Variants in APP observed in about 807,000 individuals in gnomAD.
APP encodes the protein amyloid-beta precursor protein.
A neutral mutation model predicts 101.4 loss-of-function variants in APP; 31 were observed. The ratio of observed to expected loss-of-function variants is 0.31; its 90% CI spans 0.23 to 0.41. The LOEUF is 0.41. APP is among the 10% of genes least tolerant of loss of function. The pLI is 1.00. For synonymous variants in APP, 366 were observed against 364.4 expected (o/e 1.00, Z -0.05); for missense variants, 839 against 1,003.7 (o/e 0.84, Z 2.22).
intron 1 of APP, among the ~76,000 whole-genome samples, chr21:26,130,753 A>G (rs926939458): frequency 1.3e-5 from 2 of 152,188 alleles, no homozygotes; most frequent in Non-Finnish European, 1.5e-5. Context: ...GAGCTTCAAC[A>G]CCCAGAGACT....
intron 8 of APP, among the ~76,000 whole-genome samples, chr21:25,992,693 G>C (rs1341881968): frequency 6.6e-6 from 1 of 152,136 alleles, no homozygotes; most frequent in Non-Finnish European, 1.5e-5. Context: ...AGATACCAAA[G>C]ATTTAGCTTT....
At chr21:26,016,968 G>T (rs1340204538) in intron 6 of APP, among the ~76,000 whole-genome samples, 1 of 145,664 alleles carries the variant, frequency 6.9e-6, no homozygotes, top group Non-Finnish European at 1.5e-5. Flanking sequence ...TGCCGCCAAG[G>T]TGGGCAGATC....
At chr21:25,950,751 T>G (rs1373901350) in intron 13 of APP, among the ~76,000 whole-genome samples, 1 of 152,118 alleles carries the variant, frequency 6.6e-6, no homozygotes, top group East Asian at 1.9e-4. Flanking sequence ...GGTGACTGGC[T>G]GGGAGTCTAA....
intron 2 of APP, among the ~76,000 whole-genome samples, chr21:26,094,185 T>C (rs1405159221): frequency 6.6e-6 from 1 of 151,994 alleles, no homozygotes; most frequent in African/African-American, 2.4e-5. Context: ...CCTATTAAAA[T>C]GGAAGCAGTA....
At position 26,143,207 on chromosome 21, in the gene APP, C is replaced by T. The variant is rs114612101; in HGVS notation, c.57+27357G>A. Among the ~76,000 whole-genome samples, 1,506 of 152,306 alleles carry T rather than the reference C, an allele frequency of 9.9e-3. 22 individuals carry two copies. The highest frequency in any genetic ancestry group is 0.033 in the African/African-American group (1,381 of 41,570). On this transcript the variant is annotated intron_variant, in intron 1 of 17. Transcript: ENST00000346798. ...CTTCAAAACTGGCTGGGTGTGATGG[C>T]TCATGCCTATAATCCTAATATGTCG... is the stretch of plus-strand genomic sequence containing the variant.
At chr21:26,067,899 C>T (rs1309025006) in intron 3 of APP, among the ~76,000 whole-genome samples, 1 of 151,018 alleles carries the variant, frequency 6.6e-6, no homozygotes, top group East Asian at 2.0e-4. Flanking sequence ...TAACACTTTC[C>T]TTTCTTTCTG....
chr21:26,004,920 G>T (rs2043464112), intron 6 of APP, among the ~76,000 whole-genome samples: 1 of 149,340 alleles, frequency 6.7e-6, no homozygotes, highest in Admixed American at 6.9e-5. Context: ...TTCTGTCCTT[G>T]TGATAGTCTG....
At chr21:26,127,652 G>A (rs2062711872) in intron 1 of APP, among the ~76,000 whole-genome samples, 1 of 152,110 alleles carries the variant, frequency 6.6e-6, no homozygotes, top group Non-Finnish European at 1.5e-5. Flanking sequence ...ATGATCTTTG[G>A]AATCAAAAGG....
chr21:26,062,092 C>T (rs1204821773), intron 3 of APP, among the ~76,000 whole-genome samples: 5 of 152,008 alleles, frequency 3.3e-5, no homozygotes, highest in Admixed American at 3.3e-4. Context: ...CACCTATAGT[C>T]CCAGCTACTC....
chr21:26,070,102 C>T (rs1041183449), intron 3 of APP, among the ~76,000 whole-genome samples: 4 of 152,058 alleles, frequency 2.6e-5, no homozygotes, highest in African/African-American at 9.7e-5. Flanking sequence ...AATAGAATAA[C>T]AAATAAAGTA....
chr21:26,064,451 G>T lies in APP; in HGVS notation c.356-11103C>A, dbSNP rs111287103. Among the ~76,000 whole-genome samples the T allele has an allele frequency of 6.3e-3, 961 of 152,220 alleles. 9 individuals are homozygous for T. Among genetic ancestry groups the T allele is most frequent in the African/African-American group, 0.022 (911 of 41,536 alleles). On this transcript the variant is annotated intron_variant, in intron 3 of 17. Transcript: ENST00000346798. The stretch of plus-strand genomic sequence containing the variant: ...AAAAATTTAATGGCTTGATATAAAA[G>T]TTCACATAATAAGGTGTCATGCCAA...
intron 1 of APP, among the ~76,000 whole-genome samples, chr21:26,164,954 G>A (rs975079135): frequency 1.3e-5 from 2 of 148,426 alleles, no homozygotes; most frequent in Non-Finnish European, 3.0e-5. Flanking sequence ...TATGCTTTTT[G>A]CACATTTCTG....
rs180867036 is a variant in APP at position 26,159,204 on chromosome 21, C to T, written c.57+11360G>A. Among the ~76,000 whole-genome samples the T allele has an allele frequency of 6.6e-5, 10 of 152,168 alleles. 1 individual carries two copies. Among genetic ancestry groups the T allele is most frequent in the Admixed American group, 5.2e-4 (8 of 15,300 alleles). On this transcript the variant is annotated intron_variant, in intron 1 of 17. Coordinates refer to ENST00000346798, the MANE Select transcript of APP (RefSeq NM_000484.4). ...ACACCATTCTCCTGCCTCAGCCTCC[C>T]GAGTAGCTGGGACTACAGGTGCCTG...
chr21:26,074,108 C>T (rs1305830119), intron 3 of APP, among the ~76,000 whole-genome samples: 3 of 151,954 alleles, frequency 2.0e-5, no homozygotes, highest in African/African-American at 4.8e-5. Flanking sequence ...AATGTTATAC[C>T]ACGTTCTCGG....
intron 5 of APP, among the ~76,000 whole-genome samples, chr21:26,041,887 A>G (rs1422987501): frequency 6.6e-6 from 1 of 152,100 alleles, no homozygotes; most frequent in Admixed American, 6.6e-5. Context: ...CTCAAAAGAA[A>G]ATGCAAGTTT....
chr21:26,153,957 C>T (rs2063326766), intron 1 of APP, among the ~76,000 whole-genome samples: 1 of 152,214 alleles, frequency 6.6e-6, no homozygotes, highest in African/African-American at 2.4e-5. Context: ...ATCATGCATG[C>T]TTCACGTTGT....
rs754207226 is a variant in APP, at chr21:26,000,072, C to T, written c.976G>A (p.Gly326Ser). The T allele has an allele frequency of 1.7e-5, 28 of 1,613,980 alleles. No homozygotes were observed. The highest frequency in any genetic ancestry group is 2.3e-5 in the Non-Finnish European group (27 of 1,180,022). The part of the protein sequence containing the change: ...CAPFFYGGCG[G>S]NRNNFDTEEY... The stretch of plus-strand genomic sequence containing the variant: ...TCTGTGTCAAAGTTGTTCCGGTTGC[C>T]GCCACATCCGCCGTAAAAGAATGGG... The change falls in exon 7 of 18, where the codon GGC becomes AGC. Residue 326 changes from glycine to serine, a missense_variant. Transcript: ENST00000346798.
chr21:25,985,214 T>G (rs1163087855), intron 8 of APP, among the ~76,000 whole-genome samples: 1 of 152,186 alleles, frequency 6.6e-6, no homozygotes, highest in African/African-American at 2.4e-5. Context: ...AATACTATAT[T>G]ACCAACTTAA....
intron 6 of APP, among the ~76,000 whole-genome samples, chr21:26,016,948 G>T (rs1328275931): frequency 9.4e-5 from 2 of 21,266 alleles, no homozygotes; most frequent in Non-Finnish European, 2.7e-4. Context: ...GGGGGGCGGG[G>T]GGCGGGGGGT....
Sources: gnomAD v4.1 joint callset for allele counts (sites outside exome capture counted in the v4.1 genomes callset) on GRCh38, gnomAD v4.1.1 for gene constraint, MANE v1.5 for transcripts, NCBI Gene and HGNC (gene_info 2026-07-23, HGNC 2026-07-21) for gene names.